The following RBFOX1 variants were observed in gnomAD, a reference collection of about 807,000 sequenced individuals.
RBFOX1 encodes the protein RNA binding protein fox-1 homolog 1.
Under a neutral mutation model 57.7 loss-of-function variants are expected in RBFOX1, and 8 were observed. The observed-to-expected ratio is 0.14, with a 90% CI of 0.08 to 0.25. The LOEUF is 0.25. Among genes scored for constraint, RBFOX1 ranks in the 10% least tolerant of loss-of-function variants. The pLI is 1.00. For synonymous variants in RBFOX1, 326 were observed against 222.4 expected (o/e 1.47, Z -4.15); for missense variants, 611 against 548.5 (o/e 1.11, Z -1.14).
At position 5,812,838 on chromosome 16, in the gene RBFOX1, C is replaced by T. The variant is rs78909383; in HGVS notation, c.319-54465C>T. ...CTGTGATTTTAATTTGCATTTTCCTCGTGACTAATGATGTTGAGTATCTTT... is the reference window on the plus strand; with the variant it reads ...CTGTGATTTTAATTTGCATTTTCCTTGTGACTAATGATGTTGAGTATCTTT... On this transcript the variant is annotated intron_variant, in intron 3 of 19. Transcript: ENST00000641259. Among the ~76,000 whole-genome samples, 1,386 of 152,184 alleles carry T rather than the reference C, an allele frequency of 9.1e-3. 21 individuals are homozygous for T. Among genetic ancestry groups the T allele is most frequent in the African/African-American group, 0.031 (1,286 of 41,524 alleles).
chr16:7,129,596 GC>G (rs1273751402), intron 4 of RBFOX1, among the ~76,000 whole-genome samples: 2 of 152,046 alleles, frequency 1.3e-5, no homozygotes, highest in Non-Finnish European at 2.9e-5. Context: ...ATTACAGTTG[GC>G]TTTAAGTGTA....
chr16:7,336,926 G>T (rs759663779), intron 4 of RBFOX1, among the ~76,000 whole-genome samples: 1 of 152,084 alleles, frequency 6.6e-6, no homozygotes, highest in Non-Finnish European at 1.5e-5. Context: ...CATGTATTTT[G>T]CTGTAGGAAT....
intron 2 of RBFOX1, among the ~76,000 whole-genome samples, chr16:5,500,189 C>CTTCAT (rs1567166444): frequency 6.8e-5 from 7 of 102,596 alleles, no homozygotes; most frequent in African/African-American, 2.4e-4. Flanking sequence ...CCCTCCCTCC[C>CTTCAT]TCCCTTCATT....
intron 4 of RBFOX1, among the ~76,000 whole-genome samples, chr16:7,408,949 A>G (rs1181922221): frequency 6.6e-6 from 1 of 152,174 alleles, no homozygotes; most frequent in Non-Finnish European, 1.5e-5. Flanking sequence ...GCATGTTGTC[A>G]TCCCAGGTGA....
In RBFOX1 at chr16:7,263,920, TAA is replaced by T. The variant is rs34267221; in HGVS notation, c.27+211837_27+211838del. ...AGTCTCAAAATATATATATATAAAT[TAA>T]AAAAAAAAAAAAAACAAGTAGAAGG... On this transcript the variant is annotated intron_variant, in intron 4 of 15. Coordinates refer to ENST00000550418, the MANE Select transcript of RBFOX1 (RefSeq NM_018723.4). 4.2e-3 allele frequency among the ~76,000 whole-genome samples: 524 copies of T among 124,840 alleles called. 4 individuals are homozygous for T. The highest frequency in any genetic ancestry group is 0.013 in the African/African-American group (447 of 34,242). The allele number at this position is 124,840 out of a possible 152,430, so 81.9% of individuals were successfully genotyped here.
At chr16:5,387,467 C>T (rs1179864238) in intron 1 of RBFOX1, among the ~76,000 whole-genome samples, 1 of 152,168 alleles carries the variant, frequency 6.6e-6, no homozygotes, top group Non-Finnish European at 1.5e-5. Flanking sequence ...TGTCATGGCC[C>T]AGTGTGGCTA....
intron 1 of RBFOX1, among the ~76,000 whole-genome samples, chr16:6,255,302 C>A (rs1178636368): frequency 1.3e-5 from 2 of 152,180 alleles, no homozygotes; most frequent in Non-Finnish European, 2.9e-5. Context: ...AGTTGAGATG[C>A]AGCAGTACCC....
At chr16:6,869,569 C>G (rs904354410) in intron 3 of RBFOX1, among the ~76,000 whole-genome samples, 8 of 151,728 alleles carry the variant, frequency 5.3e-5, no homozygotes, top group African/African-American at 1.7e-4. Flanking sequence ...ACATTAATTT[C>G]TGTGCAGAGT....
intron 4 of RBFOX1, among the ~76,000 whole-genome samples, chr16:7,320,534 A>G (rs1423634523): frequency 1.3e-5 from 2 of 152,214 alleles, no homozygotes; most frequent in African/African-American, 2.4e-5. Flanking sequence ...TGCTGTATGC[A>G]CTAATCTTAC....
intron 2 of RBFOX1, among the ~76,000 whole-genome samples, chr16:6,389,696 A>G (rs923077204): frequency 6.6e-6 from 1 of 152,182 alleles, no homozygotes; most frequent in African/African-American, 2.4e-5. Flanking sequence ...CTAATCAATG[A>G]CGAACCTCGT....
chr16:7,137,668 G>C (rs1037391753), intron 4 of RBFOX1, among the ~76,000 whole-genome samples: 1 of 152,108 alleles, frequency 6.6e-6, no homozygotes, highest in African/African-American at 2.4e-5. Context: ...CTCAGATTAG[G>C]GGCAAGCTCC....
intron 1 of RBFOX1, among the ~76,000 whole-genome samples, chr16:5,342,926 T>A (rs1256303978): frequency 6.6e-6 from 1 of 152,160 alleles, no homozygotes; most frequent in African/African-American, 2.4e-5. Flanking sequence ...CAAGCCAAGA[T>A]GAGTTCTAAT....
intron 3 of RBFOX1, among the ~76,000 whole-genome samples, chr16:5,702,282 C>T (rs11076951): frequency 0.54 from 82,158 of 152,020 alleles, 25,562 homozygotes; most frequent in Non-Finnish European, 0.71. Flanking sequence ...CACATGCCGG[C>T]AGGAGATAGA....
intron 3 of RBFOX1, among the ~76,000 whole-genome samples, chr16:6,935,164 C>A (rs192782742): frequency 6.6e-6 from 1 of 152,122 alleles, no homozygotes; most frequent in African/African-American, 2.4e-5. Context: ...CCTATCTGGC[C>A]TAATTTTCCC....
chr16:7,340,739 C>T (rs73563884), intron 4 of RBFOX1, among the ~76,000 whole-genome samples: 4,502 of 152,256 alleles, frequency 0.03, 172 homozygotes, highest in African/African-American at 0.09. Flanking sequence ...TCCCATCATT[C>T]CAAAGCACTC....
chr16:5,563,296 C>G (rs997251693), intron 2 of RBFOX1, among the ~76,000 whole-genome samples: 3 of 152,170 alleles, frequency 2.0e-5, no homozygotes, highest in African/African-American at 7.2e-5. Context: ...TGTTCATTTC[C>G]ATTTCCATTT....
intron 3 of RBFOX1, among the ~76,000 whole-genome samples, chr16:5,751,608 C>T (rs187034174): frequency 6.6e-6 from 1 of 152,256 alleles, no homozygotes; most frequent in African/African-American, 2.4e-5. Context: ...CACACAGATA[C>T]TGGAGAGCAG....
intron 14 of RBFOX1, among the ~76,000 whole-genome samples, chr16:7,684,018 C>G (rs1040002329): frequency 1.3e-5 from 2 of 152,032 alleles, no homozygotes; most frequent in African/African-American, 2.4e-5. Context: ...AGTATACTAT[C>G]TTTCAAGATA....
intron 14 of RBFOX1, among the ~76,000 whole-genome samples, chr16:7,685,262 T>G (rs1245297791): frequency 6.6e-6 from 1 of 152,138 alleles, no homozygotes; most frequent in African/African-American, 2.4e-5. Flanking sequence ...AGGATCTATC[T>G]TTATAAATTA....
Sources: allele counts gnomAD v4.1 joint callset (sites outside exome capture counted in the v4.1 genomes callset), GRCh38; gene constraint gnomAD v4.1.1; transcripts MANE v1.5; gene names NCBI Gene and HGNC (gene_info 2026-07-23, HGNC 2026-07-21).